BCAS1: variants seen among roughly 807,000 people sequenced by gnomAD.
BCAS1 encodes brain enriched myelin associated protein 1.
BCAS1 carries 46 observed loss-of-function variants against 65.4 expected under a neutral mutation model. The ratio of observed to expected loss-of-function variants is 0.70; its 90% confidence interval spans 0.55 to 0.90. The LOEUF (loss-of-function observed/expected upper bound fraction) is 0.90. Among genes scored for constraint, BCAS1 ranks in the 40% least tolerant of loss-of-function variants. The probability of loss-of-function intolerance (pLI) is 0.00; values close to 1 mark genes in which losing one functional copy is unlikely to be tolerated. For synonymous variants in BCAS1, 298 were observed against 293.5 expected (o/e 1.02, Z -0.16); for missense variants, 793 against 771.2 (o/e 1.03, Z -0.33).
intron 3 of BCAS1, among the ~76,000 whole-genome samples, chr20:54,041,455 T>C (rs1407003464): frequency 7.1e-6 from 1 of 141,036 alleles, no homozygotes; most frequent in Non-Finnish European, 1.6e-5. Context: ...CAGCCAGCTT[T>C]TAAGCAGAAG....
intron 8 of BCAS1, among the ~76,000 whole-genome samples, chr20:53,984,758 C>T (rs6097708): frequency 0.08 from 12,164 of 152,220 alleles, 1,591 homozygotes; most frequent in African/African-American, 0.28. Flanking sequence ...CAAAATCAGA[C>T]AGTGGTTTGA....
At chr20:54,057,995 T>C (rs1388021113) in intron 3 of BCAS1, 90 bp downstream of exon 3, 5 of 1,021,616 alleles carry the variant, frequency 4.9e-6, no homozygotes, top group Non-Finnish European at 7.4e-6. Context: ...CTTCGACCCT[T>C]TCATTTTTTT....
rs1491426156 is a variant in BCAS1 at position 54,041,908 on chromosome 20, CCA to C, written c.143-12938_143-12937del. ...AGTTCAGAGTGAGACTCTGTCTCCC[CCA>C]AAAAAAAAAAAAAAAAAAAAAGAAC... On this transcript the variant is annotated intron_variant, in intron 3 of 12. Transcript: ENST00000688948. Among the ~76,000 whole-genome samples, 27 of 67,364 alleles carry C rather than the reference CCA, an allele frequency of 4.0e-4. 1 individual carries two copies. The highest frequency in any genetic ancestry group is 1.9e-3 in the Admixed American group (11 of 5,768). 44.2% of individuals were successfully genotyped at this position (67,364 alleles called of 152,430 possible). A position where few individuals can be genotyped will look rare whatever the true frequency, so the allele number is the denominator to read the frequency against.
intron 9 of BCAS1, among the ~76,000 whole-genome samples, chr20:53,968,961 T>A (rs1470393671): frequency 6.6e-6 from 1 of 152,216 alleles, no homozygotes; most frequent in Non-Finnish European, 1.5e-5. Flanking sequence ...CAATAGAGCA[T>A]GGACATGGAT....
chr20:53,959,231 C>T (rs762790935), intron 10 of BCAS1, among the ~76,000 whole-genome samples: 10 of 151,876 alleles, frequency 6.6e-5, no homozygotes, highest in Non-Finnish European at 1.2e-4. Flanking sequence ...GATAGGACTA[C>T]AGGTGTACAC....
At chr20:54,050,109 G>T (rs2092184729) in intron 3 of BCAS1, among the ~76,000 whole-genome samples, 1 of 152,124 alleles carries the variant, frequency 6.6e-6, no homozygotes, top group Non-Finnish European at 1.5e-5. Flanking sequence ...CCATTCTCCA[G>T]CTTCCAGTCC....
chr20:53,996,030 T>A lies in BCAS1; in HGVS notation c.744A>T (p.Glu248Asp). 2 of 1,604,704 alleles carry A rather than the reference T, an allele frequency of 1.2e-6. No individual in the cohort carries two copies. Among genetic ancestry groups the A allele is most frequent in the Non-Finnish European group, 1.7e-6 (2 of 1,175,478 alleles). Residue 248 changes from glutamate to aspartate, a missense_variant, in exon 5 of 13, where the codon GAA becomes GAT. Transcript: ENST00000688948. ...CAGTTCCAAGTTCTTGTCCTTCTTTTTCCTTGCCGTCAACTATGTCCTAGG... is the reference window on the plus strand; with the variant it reads ...CAGTTCCAAGTTCTTGTCCTTCTTTATCCTTGCCGTCAACTATGTCCTAGG... ...PAGKDIVDGK[E>D]KEGQELGTAD...
At chr20:54,051,969 C>T (rs2092223443) in intron 3 of BCAS1, among the ~76,000 whole-genome samples, 1 of 152,128 alleles carries the variant, frequency 6.6e-6, no homozygotes, top group Admixed American at 6.5e-5. Flanking sequence ...AAACTCCCAA[C>T]CTCAGGTGAT....
intron 4 of BCAS1, among the ~76,000 whole-genome samples, chr20:54,026,467 C>G (rs1183957310): frequency 6.6e-6 from 1 of 152,180 alleles, no homozygotes; most frequent in Non-Finnish European, 1.5e-5. Flanking sequence ...CTATGCTGAA[C>G]TGGTTTACTT....
intron 1 of BCAS1, among the ~76,000 whole-genome samples, chr20:54,065,851 A>G (rs2092434066): frequency 1.3e-5 from 2 of 152,206 alleles, no homozygotes. Context: ...TGTGAAGATT[A>G]GAAGGGTGTG....
At chr20:54,049,783 G>A (rs1207904012) in intron 3 of BCAS1, among the ~76,000 whole-genome samples, 2 of 152,070 alleles carry the variant, frequency 1.3e-5, no homozygotes, top group East Asian at 3.9e-4. Context: ...TGTTTTTAGA[G>A]CTCCCCTACA....
At chr20:53,969,152 A>T (rs907184914) in intron 9 of BCAS1, among the ~76,000 whole-genome samples, 3 of 151,676 alleles carry the variant, frequency 2.0e-5, no homozygotes, top group African/African-American at 7.3e-5. Flanking sequence ...TCAGTGCCCA[A>T]CATCTCTGTG....
intron 3 of BCAS1, among the ~76,000 whole-genome samples, chr20:54,046,442 T>A (rs35883829): frequency 0.18 from 26,068 of 147,814 alleles, 2,341 homozygotes; most frequent in East Asian, 0.32. Context: ...GGCAGGAGAA[T>A]CACTTGAAGC....
intron 4 of BCAS1, among the ~76,000 whole-genome samples, chr20:53,996,316 AC>A (rs2090908301): frequency 6.6e-6 from 1 of 152,150 alleles, no homozygotes; most frequent in Non-Finnish European, 1.5e-5. Context: ...TGCATTTCAA[AC>A]AAAAACCCTT....
rs1469367526 is a variant in BCAS1 at position 54,039,695 on chromosome 20, T to A, written c.143-10723A>T. Among the ~76,000 whole-genome samples, 7 of 150,268 alleles carry A rather than the reference T, an allele frequency of 4.7e-5. 1 individual carries two copies. Among genetic ancestry groups the A allele is most frequent in the East Asian group, 4.1e-4 (2 of 4,900 alleles). On this transcript the variant is annotated intron_variant, in intron 3 of 12. Transcript: ENST00000688948. The stretch of plus-strand genomic sequence containing the variant: ...ATCAGATGTTTCATTTGATTTTTTT[T>A]ATAAATCTGATAATAATGTACATTT...
chr20:54,037,052 C>CT (rs11482530), intron 3 of BCAS1, among the ~76,000 whole-genome samples: 28,494 of 148,822 alleles, frequency 0.19, 3,395 homozygotes, highest in East Asian at 0.32. Flanking sequence ...GAAGAATTAT[C>CT]TTTTTTTTTT....
chr20:54,035,715 G>A (rs1568904660), intron 3 of BCAS1, among the ~76,000 whole-genome samples: 1 of 150,938 alleles, frequency 6.6e-6, no homozygotes, highest in Admixed American at 6.6e-5. Context: ...GTACATACCC[G>A]AAAAATAGAA....
chr20:54,027,212 G>T (rs2091691245), intron 4 of BCAS1, among the ~76,000 whole-genome samples: 1 of 152,210 alleles, frequency 6.6e-6, no homozygotes, highest in African/African-American at 2.4e-5. Context: ...GACAGTAAGA[G>T]CCTAAAACAC....
At position 53,999,316 on chromosome 20, in the gene BCAS1, C is replaced by T. The variant is rs185037293; in HGVS notation, c.724-3266G>A. ...TTATGCTTGTATAGCTTTACAGTTA[C>T]GAGGTGCCTTCACAAATCTATCTTA... On this transcript the variant is annotated intron_variant, in intron 4 of 12. Transcript: ENST00000688948. 1.4e-4 allele frequency among the ~76,000 whole-genome samples: 22 copies of T among 152,306 alleles called. No individual in the cohort carries two copies. In the East Asian group the frequency reaches 3.7e-3, roughly 25 times the overall value.
Sources: allele counts gnomAD v4.1 joint callset (sites outside exome capture counted in the v4.1 genomes callset), GRCh38; gene constraint gnomAD v4.1.1; transcripts MANE v1.5; gene names NCBI Gene and HGNC (gene_info 2026-07-23, HGNC 2026-07-21).